Variants in GHR observed in about 807,000 individuals in gnomAD.
GHR encodes growth hormone receptor.
Under a neutral mutation model 67.1 loss-of-function variants are expected in GHR, and 35 were observed. That is an observed-to-expected ratio of 0.52 (90% CI 0.40 to 0.69). The LOEUF (loss-of-function observed/expected upper bound fraction) is 0.69. Ranked by LOEUF, GHR falls within the 30% of genes least tolerant of loss-of-function variation. GHR has a pLI of 0.00. For synonymous variants in GHR, 272 were observed against 269.1 expected, an observed-to-expected ratio of 1.01 and a Z score of -0.10; for missense variants, 792 against 764.6, an observed-to-expected ratio of 1.04 and a Z score of -0.42.
At chr5:42,452,485 A>G (rs1407266365) in intron 1 of GHR, among the ~76,000 whole-genome samples, 7 of 152,172 alleles carry the variant, frequency 4.6e-5, no homozygotes, top group Non-Finnish European at 8.8e-5. Flanking sequence ...ATTCCCTTAA[A>G]TAAGTTTTTC....
At chr5:42,564,085 A>ATTTGAAATCTCACAAAGTGTGAGATTT (rs1749788224) in intron 1 of GHR, among the ~76,000 whole-genome samples, 1 of 151,760 alleles carries the variant, frequency 6.6e-6, no homozygotes, top group African/African-American at 2.4e-5. Flanking sequence ...ACTCATATTT[A>ATTTGAAATCTCACAAAGTGTGAGATTT]TTTGAAATCT....
chr5:42,579,144 A>AGAT (rs1491255674), intron 2 of GHR, among the ~76,000 whole-genome samples: 94 of 34,576 alleles, frequency 2.7e-3, no homozygotes, highest in East Asian at 4.2e-3. Flanking sequence ...GATAGATGAT[A>AGAT]GATAGATATA....
chr5:42,715,721 C>T (rs530210093), intron 8 of GHR, among the ~76,000 whole-genome samples: 38 of 152,118 alleles, frequency 2.5e-4, no homozygotes, highest in Non-Finnish European at 5.0e-4. Flanking sequence ...TGAAGATTTT[C>T]CTACAAAGTG....
intron 1 of GHR, among the ~76,000 whole-genome samples, chr5:42,493,387 C>T (rs1746195974): frequency 6.6e-6 from 1 of 152,160 alleles, no homozygotes. Flanking sequence ...AGTATTTAAA[C>T]ACTTTCAGGC....
chr5:42,471,394 A>G (rs141707552), intron 1 of GHR, among the ~76,000 whole-genome samples: 418 of 152,340 alleles, frequency 2.7e-3, no homozygotes, highest in South Asian at 5.2e-3. Flanking sequence ...AGAAGCTACT[A>G]TTTGAGGAAC....
At chr5:42,441,882 CA>C (rs1415416744) in intron 1 of GHR, among the ~76,000 whole-genome samples, 3 of 152,042 alleles carry the variant, frequency 2.0e-5, no homozygotes, top group Non-Finnish European at 4.4e-5. Flanking sequence ...TGGGGAGGAT[CA>C]GGGGTGGCCT....
chr5:42,661,867 G>A (rs146089427), intron 3 of GHR, among the ~76,000 whole-genome samples: 2,654 of 152,240 alleles, frequency 0.017, 136 homozygotes, highest in South Asian at 0.15. Flanking sequence ...CCCATCTCAC[G>A]TGCAGAGACA....
intron 1 of GHR, among the ~76,000 whole-genome samples, chr5:42,558,520 A>G (rs1476954012): frequency 6.6e-6 from 1 of 152,242 alleles, no homozygotes; most frequent in Admixed American, 6.5e-5. Context: ...TGACTTTTCA[A>G]TGATGGACTG....
At chr5:42,495,373 A>G (rs1337820841) in intron 1 of GHR, among the ~76,000 whole-genome samples, 1 of 152,072 alleles carries the variant, frequency 6.6e-6, no homozygotes, top group Non-Finnish European at 1.5e-5. Context: ...CCATCCCCTC[A>G]GTGATTCATT....
chr5:42,484,450 T>G (rs948815279), intron 1 of GHR, among the ~76,000 whole-genome samples: 1 of 152,160 alleles, frequency 6.6e-6, no homozygotes, highest in Non-Finnish European at 1.5e-5. Flanking sequence ...GAGGGAGGTA[T>G]GAAATTGTAA....
intron 3 of GHR, among the ~76,000 whole-genome samples, chr5:42,639,897 T>G (rs532353315): frequency 1.4e-3 from 210 of 152,304 alleles, no homozygotes; most frequent in Middle Eastern, 3.4e-3. Flanking sequence ...TAATGTTTAT[T>G]AGGTGAATAT....
At chr5:42,708,658 CAGCATGTT>C (rs1758300320) in intron 6 of GHR, among the ~76,000 whole-genome samples, 1 of 152,100 alleles carries the variant, frequency 6.6e-6, no homozygotes, top group African/African-American at 2.4e-5. Flanking sequence ...AGATATAAAT[CAGCATGTT>C]AGCATTCATC....
At chr5:42,638,243 C>A (rs551322272) in intron 3 of GHR, among the ~76,000 whole-genome samples, 31 of 152,132 alleles carry the variant, frequency 2.0e-4, no homozygotes, top group African/African-American at 6.8e-4. Context: ...TTTTAAGGAA[C>A]TAATCATCAA....
In GHR at chr5:42,653,111, T is replaced by C. The variant is rs568337478; in HGVS notation, c.136+24008T>C. ...TGTCAGAACAGGGCCTGACAGATCA[T>C]AGTGCCCAATAAACATTGGCTCTTG... On this transcript the variant is annotated intron_variant, in intron 3 of 9. Coordinates refer to ENST00000230882, the MANE Select transcript of GHR (RefSeq NM_000163.5). Among the ~76,000 whole-genome samples the C allele has an allele frequency of 2.2e-4, 34 of 152,278 alleles. No homozygotes were observed. The South Asian group carries it at 7.0e-3, about 32-fold the overall frequency.
chr5:42,472,124 T>C (rs1241486232), intron 1 of GHR, among the ~76,000 whole-genome samples: 1 of 152,162 alleles, frequency 6.6e-6, no homozygotes, highest in East Asian at 1.9e-4. Context: ...TGATGTTGAG[T>C]TGACAAACTA....
chr5:42,604,330 C>G (rs925856467), intron 2 of GHR, among the ~76,000 whole-genome samples: 1 of 152,208 alleles, frequency 6.6e-6, no homozygotes, highest in African/African-American at 2.4e-5. Flanking sequence ...CTAGTGCTAA[C>G]AGACTGAATG....
chr5:42,465,104 C>T (rs1744667647), intron 1 of GHR, among the ~76,000 whole-genome samples: 1 of 152,102 alleles, frequency 6.6e-6, no homozygotes. Flanking sequence ...AAGTCCGGTT[C>T]CTTTTGTCTA....
At chr5:42,518,070 C>G (rs2078650579) in intron 1 of GHR, among the ~76,000 whole-genome samples, 1 of 151,266 alleles carries the variant, frequency 6.6e-6, no homozygotes, top group East Asian at 1.9e-4. Flanking sequence ...GGTTGTAATC[C>G]TCTTCCTTCT....
chr5:42,563,624 CAAAAAAA>C (rs1168788232), intron 1 of GHR, among the ~76,000 whole-genome samples: 44 of 45,098 alleles, frequency 9.8e-4, no homozygotes, highest in East Asian at 2.0e-3. Context: ...GACTCCGTCT[CAAAAAAA>C]AAAAAAAAAA....
Sources: gnomAD v4.1 joint callset for allele counts (sites outside exome capture counted in the v4.1 genomes callset) on GRCh38, gnomAD v4.1.1 for gene constraint, MANE v1.5 for transcripts, NCBI Gene and HGNC (gene_info 2026-07-23, HGNC 2026-07-21) for gene names.